The following ZNF280D variants were observed in gnomAD, a reference collection of about 807,000 sequenced individuals.
ZNF280D encodes the protein zinc finger protein 280D, also known as suppressor of hairy wing homolog 4.
In ZNF280D, 39 loss-of-function variants were observed where a neutral mutation model predicts 94.7. The observed-to-expected ratio is 0.41, with a 90% CI of 0.32 to 0.54. ZNF280D has a LOEUF of 0.54. Among genes scored for constraint, ZNF280D ranks in the 20% least tolerant of loss-of-function variants. The probability of loss-of-function intolerance (pLI) is 0.22; values close to 1 mark genes in which losing one functional copy is unlikely to be tolerated. For missense variants in ZNF280D, 1,090 were observed against 1,149.3 expected (o/e 0.95, Z 0.75); for synonymous variants, 398 against 377.6 (o/e 1.05, Z -0.63).
chr15:56,731,402 C>A (rs2058877664), intron 1 of ZNF280D, among the ~76,000 whole-genome samples: 1 of 149,796 alleles, frequency 6.7e-6, no homozygotes, highest in Non-Finnish European at 1.5e-5. Context: ...ACTCAGGAGG[C>A]CGAGGTGGGA....
chr15:56,699,486 A>G (rs2056934516), intron 6 of ZNF280D: 5 of 871,750 alleles, frequency 5.7e-6, no homozygotes, highest in African/African-American at 1.8e-5. Flanking sequence ...CAAACTGTGG[A>G]AACTGAACTA....
intron 16 of ZNF280D, 147 bp downstream of exon 16, chr15:56,666,248 G>T (rs2054278320): frequency 1.5e-6 from 1 of 683,832 alleles, no homozygotes; most frequent in Non-Finnish European, 2.4e-6. Context: ...AATAGGACCA[G>T]GCAATATCCT....
rs2141118730 is a variant in ZNF280D at position 56,694,335 on chromosome 15, AC to A, written c.382-1121del. On this transcript the variant is annotated intron_variant, in intron 6 of 21. Coordinates refer to ENST00000267807, the MANE Select transcript of ZNF280D (RefSeq NM_017661.4). ...CACACACACACACACACACACACAC[AC>A]ACAAGTATACTCCAATACCATTAAT... 2.1e-5 allele frequency among the ~76,000 whole-genome samples: 3 copies of A among 144,708 alleles called. No homozygotes were observed. In the South Asian group the frequency reaches 6.7e-4, roughly 32 times the overall value. The allele number at this position is 144,708 out of a possible 152,430, so 94.9% of individuals were successfully genotyped here.
chr15:56,696,170 T>C (rs973464301), intron 6 of ZNF280D, among the ~76,000 whole-genome samples: 3 of 152,216 alleles, frequency 2.0e-5, no homozygotes, highest in African/African-American at 7.2e-5. Flanking sequence ...ATTTTCTTTT[T>C]ATCATGCCCT....
At chr15:56,671,115 T>C (rs1379445562) in intron 13 of ZNF280D, among the ~76,000 whole-genome samples, 1 of 152,154 alleles carries the variant, frequency 6.6e-6, no homozygotes, top group Non-Finnish European at 1.5e-5. Flanking sequence ...TTTCTCCCAT[T>C]CTGTAAGTTG....
intron 17 of ZNF280D, among the ~76,000 whole-genome samples, chr15:56,657,053 A>G (rs1403498162): frequency 6.6e-6 from 1 of 152,184 alleles, no homozygotes; most frequent in African/African-American, 2.4e-5. Context: ...CCACTAATCA[A>G]AAGCATCAAA....
intron 6 of ZNF280D, chr15:56,697,653 G>A (rs28581284): frequency 1.3e-5 from 2 of 152,096 alleles, no homozygotes; most frequent in Non-Finnish European, 2.9e-5. Context: ...TTTGGCTTCA[G>A]AATCATCTTA....
intron 20 of ZNF280D, among the ~76,000 whole-genome samples, chr15:56,640,616 T>C (rs2052582608): frequency 6.6e-6 from 1 of 152,150 alleles, no homozygotes; most frequent in East Asian, 1.9e-4. Context: ...CTAATTCTTT[T>C]CTTATTTTGT....
rs1368198191 is a variant in ZNF280D at position 56,630,477 on chromosome 15, C to G, written c.*1021G>C. 1 of 152,020 alleles carries G rather than the reference C, an allele frequency of 6.6e-6. No homozygotes were observed. Among genetic ancestry groups the G allele is most frequent in the Admixed American group, 6.6e-5 (1 of 15,244 alleles). The allele number at this position is 152,020 out of a possible 1,614,324, so 9.4% of individuals were successfully genotyped here. A position where few individuals can be genotyped will look rare whatever the true frequency, so the allele number is the denominator to read the frequency against. ...TTAGGCTAAATTTCCAAAACCAGTT[C>G]TTTTACATCACTGTTTTAGGTCCCA... On this transcript the variant is annotated 3_prime_UTR_variant, in exon 22 of 22. Transcript: ENST00000267807.
intron 14 of ZNF280D, chr15:56,667,894 C>T (rs1034601475): frequency 1.1e-5 from 2 of 182,698 alleles, no homozygotes; most frequent in African/African-American, 4.8e-5. Flanking sequence ...AAAAAGTACA[C>T]TGAAAGTCTA....
chr15:56,640,049 T>A (rs1173354976), intron 20 of ZNF280D, among the ~76,000 whole-genome samples: 1 of 151,940 alleles, frequency 6.6e-6, no homozygotes, highest in African/African-American at 2.4e-5. Context: ...AATACAGCAT[T>A]AGGTGCACAG....
chr15:56,661,048 T>C (rs1234074008), intron 16 of ZNF280D, among the ~76,000 whole-genome samples: 1 of 152,068 alleles, frequency 6.6e-6, no homozygotes, highest in Non-Finnish European at 1.5e-5. Flanking sequence ...AATGAATACA[T>C]ATTCATAAAT....
At chr15:56,690,676 A>G (rs1424621220) in intron 7 of ZNF280D, among the ~76,000 whole-genome samples, 2 of 152,218 alleles carry the variant, frequency 1.3e-5, no homozygotes, top group East Asian at 3.8e-4. Flanking sequence ...AAGAGAAATG[A>G]GGATATCCAG....
intron 6 of ZNF280D, chr15:56,697,690 A>C (rs1377647670): frequency 6.6e-6 from 1 of 152,212 alleles, no homozygotes; most frequent in Non-Finnish European, 1.5e-5. Context: ...TGAACCCAAA[A>C]AGACTTTTTG....
intron 9 of ZNF280D, among the ~76,000 whole-genome samples, chr15:56,685,152 T>A (rs1406134471): frequency 6.6e-6 from 1 of 152,182 alleles, no homozygotes; most frequent in African/African-American, 2.4e-5. Context: ...CAGAATGGAC[T>A]ACAGTCAAAT....
chr15:56,693,194 G>C lies in ZNF280D; in HGVS notation c.403C>G (p.Arg135Gly). ...TCTGATGACTTATTAGACACAACTCGTGATGAGTTTGTTATATAACCCTGT... is the reference window on the plus strand; with the variant it reads ...TCTGATGACTTATTAGACACAACTCCTGATGAGTTTGTTATATAACCCTGT... ...SKPGYITNSSRVVSNKSSELL... is the reference protein window; with the variant it reads ...SKPGYITNSSGVVSNKSSELL... The change falls in exon 7 of 22, where the codon CGA becomes GGA. Residue 135 changes from arginine (R) to glycine (G), a missense_variant. Arg to Gly is a moderately radical substitution (Grantham distance 125). This residue lies in a region of ZNF280D where 386 missense variants were observed against 372.0 expected (regional missense o/e 1.04). Transcript: ENST00000267807. 6.3e-7 allele frequency: 1 copy of C among 1,589,256 alleles called. No homozygotes were observed. Among genetic ancestry groups the C allele is most frequent in the Non-Finnish European group, 8.6e-7 (1 of 1,168,634 alleles).
chr15:56,712,774 T>G (rs1299138264), intron 1 of ZNF280D, among the ~76,000 whole-genome samples: 1 of 143,370 alleles, frequency 7.0e-6, no homozygotes, highest in Non-Finnish European at 1.5e-5. Flanking sequence ...GGAGTCTTGC[T>G]CTGTTGCTCA....
intron 1 of ZNF280D, among the ~76,000 whole-genome samples, chr15:56,709,078 A>C (rs1258227769): frequency 6.6e-6 from 1 of 152,122 alleles, no homozygotes; most frequent in African/African-American, 2.4e-5. Flanking sequence ...GGCAACCTAC[A>C]GATTGGGAGA....
chr15:56,693,158 C>T lies in ZNF280D; in HGVS notation c.439G>A (p.Asp147Asn). 2 of 1,605,408 alleles carry T rather than the reference C, an allele frequency of 1.2e-6. No individual in the cohort carries two copies. ...VSNKSSELLF[D>N]LTQDTGLSHY... ...GATAATCCTGTATCCTGGGTCAAGT[C>T]AAACAGTAACTCTGATGACTTATTA... The change falls in exon 7 of 22, where the codon GAC becomes AAC. Residue 147 changes from aspartate (D) to asparagine (N), a missense_variant. Around this residue, in one of 3 missense-constraint regions of ZNF280D, gnomAD observed 386 missense variants for 372.0 expected, o/e 1.04. Transcript: ENST00000267807.
Sources: gnomAD v4.1 joint callset for allele counts (sites outside exome capture counted in the v4.1 genomes callset) on GRCh38, gnomAD v4.1.1 for gene constraint, gnomAD v4.1.1 regional missense constraint, MANE v1.5 for transcripts, NCBI Gene and HGNC (gene_info 2026-07-23, HGNC 2026-07-21) for gene names.